PDE8B: variants seen among roughly 807,000 people sequenced by gnomAD.
PDE8B encodes high affinity cAMP-specific and IBMX-insensitive 3',5'-cyclic phosphodiesterase 8B.
In PDE8B, 26 loss-of-function variants were observed where a neutral mutation model predicts 101.3. The ratio of observed to expected loss-of-function variants is 0.26; its 90% CI spans 0.19 to 0.36. PDE8B has a LOEUF of 0.36. Ranked by LOEUF, PDE8B falls within the 10% of genes least tolerant of loss-of-function variation. PDE8B has a pLI of 1.00. For synonymous variants in PDE8B, 424 were observed against 429.3 expected, an observed-to-expected ratio of 0.99 and a Z score of 0.15; for missense variants, 810 against 1,163.1, an observed-to-expected ratio of 0.70 and a Z score of 4.42.
chr5:77,261,645 C>T (rs1427289436), intron 1 of PDE8B, among the ~76,000 whole-genome samples: 1 of 152,202 alleles, frequency 6.6e-6, no homozygotes, highest in Non-Finnish European at 1.5e-5. Context: ...TGGCAGCTAC[C>T]TAGATTGCCG....
In PDE8B at chr5:77,255,713, A is replaced by G. The variant is rs182193802; in HGVS notation, c.339+44449A>G. Among the ~76,000 whole-genome samples, 5 of 152,144 alleles carry G rather than the reference A, an allele frequency of 3.3e-5. No homozygotes were observed. The East Asian group carries it at 9.7e-4, about 29-fold the overall frequency. On this transcript the variant is annotated intron_variant, in intron 1 of 21. Transcript: ENST00000264917. The stretch of plus-strand genomic sequence containing the variant: ...TCAGTGCTCTGTCCTAGCCTTCCAC[A>G]CCCACCAGGGACCTGGAGGCATGTG...
At chr5:77,292,240 TCTGA>T (rs907025578) in intron 1 of PDE8B, among the ~76,000 whole-genome samples, 2 of 152,324 alleles carry the variant, frequency 1.3e-5, no homozygotes, top group East Asian at 1.9e-4. Flanking sequence ...TTACTGGTTC[TCTGA>T]CTGTGGCTGG....
At chr5:77,191,247 C>A in the PDE8B span, among the ~76,000 whole-genome samples, 1 of 152,056 alleles carries the variant, frequency 6.6e-6, no homozygotes, top group African/African-American at 2.4e-5. Flanking sequence ...GTTAGGACTT[C>A]AACTTAGGAA....
the PDE8B span, chr5:77,146,111 C>T: frequency 6.6e-6 from 1 of 152,130 alleles, no homozygotes. Context: ...GACGATTTGT[C>T]TTTAGTTTTA....
chr5:77,233,040 T>A (rs1753892961), intron 1 of PDE8B, among the ~76,000 whole-genome samples: 1 of 152,132 alleles, frequency 6.6e-6, no homozygotes, highest in Non-Finnish European at 1.5e-5. Flanking sequence ...TTCCTTCTTG[T>A]CATTGGAGTA....
chr5:77,252,959 TG>T (rs1475636678), intron 1 of PDE8B, among the ~76,000 whole-genome samples: 2 of 152,328 alleles, frequency 1.3e-5, no homozygotes, highest in South Asian at 4.1e-4. Flanking sequence ...CACATTTTAT[TG>T]TAGAGCAAAG....
the PDE8B span, among the ~76,000 whole-genome samples, chr5:77,178,114 TG>T: frequency 6.6e-6 from 1 of 152,206 alleles, no homozygotes; most frequent in Non-Finnish European, 1.5e-5. Context: ...ACTTCTTAAC[TG>T]GCTCTTCTGG....
the PDE8B span, among the ~76,000 whole-genome samples, chr5:77,107,047 C>T: frequency 6.6e-6 from 1 of 152,030 alleles, no homozygotes; most frequent in Non-Finnish European, 1.5e-5. Flanking sequence ...GCTATCCCAC[C>T]CCTCTCCCCC....
Position 77,337,308 on chromosome 5 carries a change from A to C in PDE8B, c.790A>C (p.Lys264Gln). The C allele has an allele frequency of 6.5e-7, 1 of 1,534,378 alleles. No homozygotes were observed. Among genetic ancestry groups the C allele is most frequent in the Non-Finnish European group, 9.0e-7 (1 of 1,109,932 alleles). The stretch of plus-strand genomic sequence containing the variant: ...ACATGGGGAAGTTCGCTCCCAGTTC[A>C]AATTACGGTATGTAGCAAAATGATA... Reference protein sequence around the residue: ...IEHGEVRSQFKLRACNSVFTA... With the variant: ...IEHGEVRSQFQLRACNSVFTA... Residue 264 changes from lysine to glutamine, a missense_variant, in exon 6 of 22, where the codon AAA becomes CAA. Coordinates refer to ENST00000264917, the MANE Select transcript of PDE8B (RefSeq NM_003719.5).
chr5:77,338,876 A>C (rs1778662118), intron 6 of PDE8B, among the ~76,000 whole-genome samples: 1 of 152,176 alleles, frequency 6.6e-6, no homozygotes, highest in South Asian at 2.1e-4. Flanking sequence ...ATTTTAAATA[A>C]GTGCTTCTGG....
At chr5:77,343,777 A>G (rs1329587651) in intron 6 of PDE8B, among the ~76,000 whole-genome samples, 3 of 152,130 alleles carry the variant, frequency 2.0e-5, no homozygotes, top group African/African-American at 4.8e-5. Context: ...CACTTTCTTA[A>G]TAACATTTAG....
chr5:77,427,212 G>A lies in PDE8B; in HGVS notation c.*658G>A, dbSNP rs958405574. ...CTCTCTAGACTGGTATCAGCAGCCT[G>A]TGTAACCCCTTTCCTGTAAAAGGGG... On this transcript the variant is annotated 3_prime_UTR_variant, in exon 22 of 22. Coordinates refer to ENST00000264917, the MANE Select transcript of PDE8B (RefSeq NM_003719.5). The A allele has an allele frequency of 6.6e-6, 1 of 152,652 alleles. No homozygotes were observed. Among genetic ancestry groups the A allele is most frequent in the African/African-American group, 2.4e-5 (1 of 41,414 alleles). 9.5% of individuals were successfully genotyped at this position (152,652 alleles called of 1,614,324 possible).
rs535263621 is a variant in PDE8B at position 77,256,344 on chromosome 5, C to T, written c.339+45080C>T. ...ATTTATATGTGCAAATCTACATATACACAAGCCATGTGGGGGATTTGAGGG... is the reference window on the plus strand; with the variant it reads ...ATTTATATGTGCAAATCTACATATATACAAGCCATGTGGGGGATTTGAGGG... On this transcript the variant is annotated intron_variant, in intron 1 of 21. Transcript: ENST00000264917. 1.6e-4 allele frequency among the ~76,000 whole-genome samples: 24 copies of T among 152,318 alleles called. No individual in the cohort carries two copies. The South Asian group carries it at 4.3e-3, about 28-fold the overall frequency.
the PDE8B span, among the ~76,000 whole-genome samples, chr5:77,121,534 G>A: frequency 1.4e-5 from 2 of 145,498 alleles, no homozygotes; most frequent in Admixed American, 1.4e-4. Flanking sequence ...TTGAGACAGA[G>A]TCTCGCTCTG....
chr5:77,098,297 A>ATT, the PDE8B span, among the ~76,000 whole-genome samples: 1 of 150,426 alleles, frequency 6.6e-6, no homozygotes, highest in Non-Finnish European at 1.5e-5. Flanking sequence ...TTTTTTTAAA[A>ATT]AAAAAAAAGA....
the PDE8B span, among the ~76,000 whole-genome samples, chr5:77,189,508 A>G: frequency 3.3e-5 from 5 of 152,210 alleles, no homozygotes; most frequent in South Asian, 2.1e-4. Context: ...CTCCCTGATA[A>G]TGTAATATCT....
the PDE8B span, among the ~76,000 whole-genome samples, chr5:77,155,034 A>G: frequency 1.3e-5 from 2 of 152,172 alleles, no homozygotes; most frequent in South Asian, 2.1e-4. Context: ...CTCTTGTAAA[A>G]GGAGGTGGCC....
intron 1 of PDE8B, among the ~76,000 whole-genome samples, chr5:77,310,344 C>T (rs1377719940): frequency 6.6e-6 from 1 of 152,210 alleles, no homozygotes; most frequent in Non-Finnish European, 1.5e-5. Flanking sequence ...GGGAGTGGAG[C>T]TGGGTGAAGG....
At chr5:77,230,574 C>T (rs1215264559) in intron 1 of PDE8B, among the ~76,000 whole-genome samples, 7 of 152,198 alleles carry the variant, frequency 4.6e-5, no homozygotes, top group African/African-American at 1.7e-4. Context: ...TCAAGCGATT[C>T]TCCTGCCTCA....
Sources: allele counts gnomAD v4.1 joint callset (sites outside exome capture counted in the v4.1 genomes callset), GRCh38; gene constraint gnomAD v4.1.1; transcripts MANE v1.5; gene names NCBI Gene and HGNC (gene_info 2026-07-23, HGNC 2026-07-21).